Variants in PTPRN2 observed in about 807,000 individuals in gnomAD.
PTPRN2 encodes protein tyrosine phosphatase receptor type N2, also known as receptor-type tyrosine-protein phosphatase N2.
PTPRN2 carries 74 observed loss-of-function variants against 118.8 expected under a neutral mutation model. That is an observed-to-expected ratio of 0.62 (90% CI 0.52 to 0.76). The LOEUF (loss-of-function observed/expected upper bound fraction) is 0.76, where lower values mean the gene tolerates loss of function less well. Ranked by LOEUF, PTPRN2 falls within the 30% of genes least tolerant of loss-of-function variation. PTPRN2 has a pLI of 0.00. For synonymous variants in PTPRN2, 641 were observed against 608.0 expected (o/e 1.05, Z -0.80); for missense variants, 1,481 against 1,394.4 (o/e 1.06, Z -0.99).
rs370232304 is a variant in PTPRN2, at chr7:158,426,063, G to A, written c.163+63672C>T. ...CTGCGCACCGCCGGGAAAGACGCGG[G>A]GTCCGAGTCCAGCCTAGCTGAGGCC... On this transcript the variant is annotated intron_variant, in intron 2 of 22. Transcript: ENST00000389418. Among the ~76,000 whole-genome samples the A allele has an allele frequency of 4.2e-3, 7 of 1,650 alleles. 1 individual carries two copies. Among genetic ancestry groups the A allele is most frequent in the Admixed American group, 0.023 (2 of 88 alleles). 1.1% of individuals were successfully genotyped at this position (1,650 alleles called of 152,430 possible).
chr7:158,574,503 A>C lies in PTPRN2; in HGVS notation c.112+13055T>G, dbSNP rs1441122959. Among the ~76,000 whole-genome samples the C allele has an allele frequency of 1.3e-5, 2 of 152,166 alleles. No individual in the cohort carries two copies. The highest frequency in any genetic ancestry group is 6.5e-5 in the Admixed American group (1 of 15,282). ...CACTGAGACACTGAGAGGAGGGGCC[A>C]CAAGGGGGATGAGGCAGAAGCCTCC... On this transcript the variant is annotated intron_variant, in intron 1 of 22. Coordinates refer to ENST00000389418, the MANE Select transcript of PTPRN2 (RefSeq NM_002847.5). This position sits in a 1 kb window ranked among gnomAD's most constrained non-coding sequence, Gnocchi z 4.6.
chr7:158,471,988 CG>C (rs1328828811), intron 2 of PTPRN2, among the ~76,000 whole-genome samples: 1 of 152,120 alleles, frequency 6.6e-6, no homozygotes, highest in Non-Finnish European at 1.5e-5. Flanking sequence ...GCCACGGTTC[CG>C]GCCCCGCCAC....
chr7:158,406,809 C>T lies in PTPRN2; in HGVS notation c.163+82926G>A, dbSNP rs150945388. Among the ~76,000 whole-genome samples, 8 of 152,330 alleles carry T rather than the reference C, an allele frequency of 5.3e-5. 1 individual carries two copies. The highest frequency in any genetic ancestry group is 3.9e-4 in the Admixed American group (6 of 15,308). On this transcript the variant is annotated intron_variant, in intron 2 of 22. Coordinates refer to ENST00000389418, the MANE Select transcript of PTPRN2 (RefSeq NM_002847.5). The stretch of plus-strand genomic sequence containing the variant: ...GTTTTTTTGTATTAGATTTGTGTTT[C>T]GGCTCATTTCGTTCCTCTGCTGTTA...
At position 157,590,674 on chromosome 7, in the gene PTPRN2, G is replaced by A. The variant is rs1206751490; in HGVS notation, c.2496+4564C>T. Reference sequence around the variant, plus strand: ...GGACGGGGAGCTGATGGGGCCTCGCGGTGCCATGCTGGGGGAGAGGCTGGT... The same window carrying A: ...GGACGGGGAGCTGATGGGGCCTCGCAGTGCCATGCTGGGGGAGAGGCTGGT... On this transcript the variant is annotated intron_variant, in intron 17 of 22. Coordinates refer to ENST00000389418, the MANE Select transcript of PTPRN2 (RefSeq NM_002847.5). The surrounding 1 kb of genome is among the most constrained non-coding windows in gnomAD (Gnocchi z 4.0). 2.9e-5 allele frequency among the ~76,000 whole-genome samples: 4 copies of A among 138,164 alleles called. No individual in the cohort carries two copies. The East Asian group carries it at 9.0e-4, about 31-fold the overall frequency. The allele number at this position is 138,164 out of a possible 152,430, so 90.6% of individuals were successfully genotyped here.
At chr7:158,386,459 C>T (rs189670107) in intron 2 of PTPRN2, among the ~76,000 whole-genome samples, 58 of 152,216 alleles carry the variant, frequency 3.8e-4, no homozygotes, top group Middle Eastern at 6.8e-3. Context: ...GCAGGAGCTG[C>T]CTCCGTTCAT....
At chr7:158,149,589 G>C (rs779288005) in intron 6 of PTPRN2, among the ~76,000 whole-genome samples, 1 of 152,078 alleles carries the variant, frequency 6.6e-6, no homozygotes, top group African/African-American at 2.4e-5. Context: ...GATCACCTGA[G>C]GTCAGGAGTT....
intron 22 of PTPRN2, among the ~76,000 whole-genome samples, chr7:157,546,559 G>A (rs192297883): frequency 6.6e-6 from 1 of 152,324 alleles, no homozygotes; most frequent in East Asian, 1.9e-4. Context: ...TTTGTTTGCT[G>A]AGGATGATGG....
Position 158,411,442 on chromosome 7 carries a change from T to G in PTPRN2, c.163+78293A>C, listed in dbSNP as rs145007651. Among the ~76,000 whole-genome samples, 45 of 152,198 alleles carry G rather than the reference T, an allele frequency of 3.0e-4. No homozygotes were observed. In the East Asian group the frequency reaches 5.4e-3, roughly 18 times the overall value. On this transcript the variant is annotated intron_variant, in intron 2 of 22. Transcript: ENST00000389418. ...TCTCACCTCCTGGTCCCCTGGGCCC[T>G]TGCACATGCCCGGCCACCACTCTCT...
At chr7:158,336,420 G>A (rs1236529362) in intron 2 of PTPRN2, among the ~76,000 whole-genome samples, 1 of 121,078 alleles carries the variant, frequency 8.3e-6, no homozygotes, top group Non-Finnish European at 1.7e-5. Context: ...AATAATTGGT[G>A]ACACCTGCAG....
intron 2 of PTPRN2, among the ~76,000 whole-genome samples, chr7:158,326,665 CATGCACACACATGCACAG>C (rs1803564865): frequency 6.6e-6 from 1 of 151,632 alleles, no homozygotes; most frequent in East Asian, 1.9e-4. Context: ...CACACTCTCA[CATGCACACACATGCACAG>C]TCTCACACAT....
chr7:157,890,458 G>A (rs1241388918), intron 12 of PTPRN2, among the ~76,000 whole-genome samples: 1 of 152,102 alleles, frequency 6.6e-6, no homozygotes, highest in Admixed American at 6.6e-5. Context: ...TGGCTAACAC[G>A]GTGAAACCCC....
chr7:157,815,901 T>C (rs111642774), intron 12 of PTPRN2, among the ~76,000 whole-genome samples: 3,659 of 152,324 alleles, frequency 0.024, 170 homozygotes, highest in African/African-American at 0.083. Flanking sequence ...CAGAAAGAGC[T>C]GGGCGGCAAG....
At chr7:158,342,151 A>C (rs1158719422) in intron 2 of PTPRN2, among the ~76,000 whole-genome samples, 1 of 144,560 alleles carries the variant, frequency 6.9e-6, no homozygotes, top group Non-Finnish European at 1.5e-5. Flanking sequence ...CGCAGAGGTC[A>C]CTCACACCCA....
intron 12 of PTPRN2, among the ~76,000 whole-genome samples, chr7:157,703,342 T>C (rs999687258): frequency 2.0e-5 from 3 of 152,102 alleles, no homozygotes; most frequent in Admixed American, 6.5e-5. Flanking sequence ...GGAAACCTGG[T>C]GGACAGGGCC....
At chr7:158,020,847 C>T (rs1205686688) in intron 11 of PTPRN2, among the ~76,000 whole-genome samples, 1 of 152,148 alleles carries the variant, frequency 6.6e-6, no homozygotes, top group Admixed American at 6.5e-5. Context: ...ACTGCAATAA[C>T]CTTCTTCTTC....
chr7:158,035,969 G>A lies in PTPRN2; in HGVS notation c.1723+45329C>T, dbSNP rs148645807. On this transcript the variant is annotated intron_variant, in intron 11 of 22. Coordinates refer to ENST00000389418, the MANE Select transcript of PTPRN2 (RefSeq NM_002847.5). Reference sequence around the variant, plus strand: ...CTAGAGAATTAACCCCATCTGACCTGGAGATAAAATGATAGCCTGAGACTT... The same window carrying A: ...CTAGAGAATTAACCCCATCTGACCTAGAGATAAAATGATAGCCTGAGACTT... Among the ~76,000 whole-genome samples the A allele has an allele frequency of 2.6e-3, 396 of 152,270 alleles. 1 individual carries two copies. The highest frequency in any genetic ancestry group is 8.5e-3 in the African/African-American group (354 of 41,548).
intron 3 of PTPRN2, among the ~76,000 whole-genome samples, chr7:158,268,251 C>T (rs1252113842): frequency 6.6e-6 from 1 of 151,942 alleles, no homozygotes; most frequent in Non-Finnish European, 1.5e-5. Flanking sequence ...CAGCCGCACA[C>T]ACACAGAGCG....
intron 5 of PTPRN2, among the ~76,000 whole-genome samples, chr7:158,191,635 C>T (rs73173697): frequency 3.3e-5 from 5 of 152,286 alleles, no homozygotes; most frequent in Admixed American, 1.3e-4. Flanking sequence ...TTCCTAATTC[C>T]GTGTCCTTAA....
intron 11 of PTPRN2, among the ~76,000 whole-genome samples, chr7:158,070,999 TCATG>T (rs1262858140): frequency 1.4e-4 from 14 of 97,790 alleles, no homozygotes; most frequent in Non-Finnish European, 2.5e-4. Context: ...GTGGAGGTGC[TCATG>T]GTGGTGGAGG....
Sources: gnomAD v4.1 joint callset for allele counts (sites outside exome capture counted in the v4.1 genomes callset) on GRCh38, gnomAD v4.1.1 for gene constraint, Gnocchi (gnomAD v3.1) non-coding constraint, MANE v1.5 for transcripts, NCBI Gene and HGNC (gene_info 2026-07-23, HGNC 2026-07-21) for gene names.